Variants in GREB1L observed in about 807,000 individuals in gnomAD.
GREB1L encodes GREB1 like retinoic acid receptor coactivator.
In GREB1L, 17 loss-of-function variants were observed where a neutral mutation model predicts 200.8. The observed-to-expected ratio is 0.08, with a 90% CI of 0.06 to 0.13. GREB1L has a LOEUF of 0.13. GREB1L is among the 10% of genes least tolerant of loss of function. GREB1L has a pLI of 1.00. For missense variants in GREB1L, 1,657 were observed against 2,367.7 expected, an observed-to-expected ratio of 0.70 and a Z score of 6.23; for synonymous variants, 789 against 893.0, an observed-to-expected ratio of 0.88 and a Z score of 2.08.
At chr18:21,435,464 G>A (rs934874095) in intron 7 of GREB1L, among the ~76,000 whole-genome samples, 1 of 152,108 alleles carries the variant, frequency 6.6e-6, no homozygotes, top group Non-Finnish European at 1.5e-5. Context: ...AGCAAATATG[G>A]CAATGTACAG....
At chr18:21,400,639 T>C (rs556988312) in intron 5 of GREB1L, among the ~76,000 whole-genome samples, 1 of 152,172 alleles carries the variant, frequency 6.6e-6, no homozygotes, top group Non-Finnish European at 1.5e-5. Flanking sequence ...GCCTGACTTT[T>C]TGTATTTATT....
chr18:21,261,427 A>G (rs1360931396), intron 1 of GREB1L, among the ~76,000 whole-genome samples: 1 of 152,158 alleles, frequency 6.6e-6, no homozygotes, highest in Non-Finnish European at 1.5e-5. Flanking sequence ...ATGTTCTCTT[A>G]AGCAAGGTTA....
Position 21,495,836 on chromosome 18 carries a change from G to T in GREB1L, c.3146+51G>T, listed in dbSNP as rs2036523892. ...TTTTCATCAGTTGCCCAGCTGAACT[G>T]ATGATTAAAACTTGGCTGATGGCCC... On this transcript the variant is annotated intron_variant, in intron 20 of 32. Coordinates refer to ENST00000424526, the MANE Select transcript of GREB1L (RefSeq NM_001142966.3). 6.7e-6 allele frequency: 7 copies of T among 1,042,228 alleles called. No individual in the cohort carries two copies. In the South Asian group the frequency reaches 1.0e-4, roughly 15 times the overall value. The allele number at this position is 1,042,228 out of a possible 1,614,324, so 64.6% of individuals were successfully genotyped here. A position where few individuals can be genotyped will look rare whatever the true frequency, so the allele number is the denominator to read the frequency against.
intron 1 of GREB1L, among the ~76,000 whole-genome samples, chr18:21,364,680 G>T (rs1413693932): frequency 1.3e-5 from 2 of 152,200 alleles, no homozygotes; most frequent in Non-Finnish European, 2.9e-5. Flanking sequence ...AATGTGTGCA[G>T]CCTGAATAGG....
At position 21,500,036 on chromosome 18, in the gene GREB1L, C is replaced by A. The variant is rs1329600571; in HGVS notation, c.3699C>A (p.Ile1233=). 4 of 1,551,598 alleles carry A rather than the reference C, an allele frequency of 2.6e-6. No individual in the cohort carries two copies. The highest frequency in any genetic ancestry group is 3.5e-6 in the Non-Finnish European group (4 of 1,146,982). The change falls in exon 22 of 33, where the codon ATC becomes ATA. Residue 1233 remains isoleucine, a synonymous_variant. Coordinates refer to ENST00000424526, the MANE Select transcript of GREB1L (RefSeq NM_001142966.3). ...GPQAALPPVV[I]LSKAAYSLLG... ...AGGCAGCCCTGCCACCAGTGGTGAT[C>A]CTATCCAAAGCGGCCTACAGTCTCC...
intron 1 of GREB1L, among the ~76,000 whole-genome samples, chr18:21,279,245 T>C (rs1477509498): frequency 6.6e-6 from 1 of 152,126 alleles, no homozygotes; most frequent in East Asian, 1.9e-4. Flanking sequence ...ATTGTAATTA[T>C]ATATGTAATT....
intron 1 of GREB1L, among the ~76,000 whole-genome samples, chr18:21,243,516 A>T (rs1373096228): frequency 6.6e-6 from 1 of 152,336 alleles, no homozygotes; most frequent in African/African-American, 2.4e-5. Flanking sequence ...CGAGGCGGGA[A>T]TCCCTGCTTA....
At chr18:21,375,934 A>G (rs1462007526) in intron 2 of GREB1L, among the ~76,000 whole-genome samples, 1 of 152,172 alleles carries the variant, frequency 6.6e-6, no homozygotes. Flanking sequence ...AATAATAACA[A>G]CAGCTACTAT....
In GREB1L at chr18:21,523,483, G is replaced by C. The variant is rs2146141624; in HGVS notation, c.*662G>C. On this transcript the variant is annotated 3_prime_UTR_variant, in exon 33 of 33. Transcript: ENST00000424526. ...AAACAAATCAGTAAATGCAGAGCAG[G>C]CATTGTGTGCATTTATGCATCTTCT... 6.6e-6 allele frequency: 1 copy of C among 152,300 alleles called. No homozygotes were observed. Among genetic ancestry groups the C allele is most frequent in the South Asian group, 2.1e-4 (1 of 4,828 alleles). The allele number at this position is 152,300 out of a possible 1,614,324, so 9.4% of individuals were successfully genotyped here. A position where few individuals can be genotyped will look rare whatever the true frequency, so the allele number is the denominator to read the frequency against.
rs940502521 is a variant in GREB1L, at chr18:21,440,324, G to A, written c.1005G>A (p.Gly335=). Residue 335 remains glycine (G), a synonymous_variant, in exon 9 of 33, where the codon GGG becomes GGA. Transcript: ENST00000424526. ...PKKRHRGWYP[G]SPLPQPGLVV... ...AACGACACCGGGGATGGTATCCTGG[G>A]TCACCTCTCCCCCAACCTGGCTTAG... The A allele has an allele frequency of 6.4e-7, 1 of 1,551,500 alleles. No individual in the cohort carries two copies. The highest frequency in any genetic ancestry group is 8.7e-7 in the Non-Finnish European group (1 of 1,146,862).
At chr18:21,425,959 T>C (rs1327127897) in intron 7 of GREB1L, among the ~76,000 whole-genome samples, 1 of 152,202 alleles carries the variant, frequency 6.6e-6, no homozygotes, top group Non-Finnish European at 1.5e-5. Flanking sequence ...CATTGCCTAA[T>C]CCATGGTCAT....
intron 1 of GREB1L, among the ~76,000 whole-genome samples, chr18:21,246,177 A>G (rs545903428): frequency 2.6e-4 from 39 of 149,194 alleles, no homozygotes; most frequent in South Asian, 2.1e-3. Flanking sequence ...ACCTAGCTCT[A>G]GTACTCATTG....
At chr18:21,465,429 G>A (rs1236908100) in intron 15 of GREB1L, among the ~76,000 whole-genome samples, 1 of 152,114 alleles carries the variant, frequency 6.6e-6, no homozygotes, top group East Asian at 1.9e-4. Flanking sequence ...ACAGGAGAAT[G>A]CCTTTGCTCT....
chr18:21,274,909 T>G (rs765687924), intron 1 of GREB1L, among the ~76,000 whole-genome samples: 2 of 150,726 alleles, frequency 1.3e-5, no homozygotes, highest in Non-Finnish European at 3.0e-5. Flanking sequence ...AATAATTAAT[T>G]TAAAAAATTT....
intron 27 of GREB1L, among the ~76,000 whole-genome samples, chr18:21,513,161 A>G (rs1418706500): frequency 6.6e-6 from 1 of 152,188 alleles, no homozygotes; most frequent in African/African-American, 2.4e-5. Flanking sequence ...TCAGGGTCAC[A>G]TGGCTAGAAA....
At chr18:21,507,480 G>A (rs746012483) in intron 25 of GREB1L, among the ~76,000 whole-genome samples, 3 of 152,160 alleles carry the variant, frequency 2.0e-5, no homozygotes, top group East Asian at 3.8e-4. Context: ...CATTAAAAGC[G>A]TGAAAAGACC....
intron 1 of GREB1L, among the ~76,000 whole-genome samples, chr18:21,295,327 A>C (rs1284733463): frequency 6.7e-6 from 1 of 149,460 alleles, no homozygotes; most frequent in Admixed American, 6.6e-5. Context: ...CCTAAAGGTC[A>C]TGACCCTAAC....
chr18:21,381,155 T>C (rs2040292825), intron 2 of GREB1L, among the ~76,000 whole-genome samples: 1 of 152,096 alleles, frequency 6.6e-6, no homozygotes, highest in African/African-American at 2.4e-5. Flanking sequence ...GGCAGGAGAA[T>C]GGCGTGAACC....
rs1343830195 is a variant in GREB1L at position 21,485,732 on chromosome 18, T to G, written c.2669T>G (p.Met890Arg). ...AGATGTGACGAGACTTTTGAAAAAA[T>G]GGTGAACACACTCTTGGAGAGGTAA... ...LLRCDETFEK[M>R]VNTLLERYPR... Residue 890 changes from methionine to arginine, a missense_variant, in exon 18 of 33, where the codon ATG (methionine) becomes AGG (arginine). Met to Arg is a moderately conservative substitution (Grantham distance 91). This residue lies in a region of GREB1L where 82 missense variants were observed against 95.9 expected (regional missense o/e 0.85). Coordinates refer to ENST00000424526, the MANE Select transcript of GREB1L (RefSeq NM_001142966.3). 1 of 1,551,522 alleles carries G rather than the reference T, an allele frequency of 6.4e-7. No individual in the cohort carries two copies. The highest frequency in any genetic ancestry group is 2.0e-5 in the Admixed American group (1 of 50,984).
Sources: gnomAD v4.1 joint callset for allele counts (sites outside exome capture counted in the v4.1 genomes callset) on GRCh38, gnomAD v4.1.1 for gene constraint, gnomAD v4.1.1 regional missense constraint, MANE v1.5 for transcripts, NCBI Gene and HGNC (gene_info 2026-07-23, HGNC 2026-07-21) for gene names.